The following ADAMTSL4 variants were observed in gnomAD, a reference collection of about 807,000 sequenced individuals.
ADAMTSL4 encodes the protein ADAMTS-like protein 4.
ADAMTSL4 carries 97 observed loss-of-function variants against 122.8 expected under a neutral mutation model. The observed-to-expected ratio is 0.79, with a 90% CI of 0.67 to 0.93. ADAMTSL4 has a LOEUF of 0.93. ADAMTSL4 is among the 40% of genes least tolerant of loss of function. The probability of loss-of-function intolerance (pLI) is 0.00; values close to 1 mark genes in which losing one functional copy is unlikely to be tolerated. For synonymous variants in ADAMTSL4, 592 were observed against 568.0 expected, an observed-to-expected ratio of 1.04 and a Z score of -0.60; for missense variants, 1,408 against 1,453.5, an observed-to-expected ratio of 0.97 and a Z score of 0.51.
chr1:150,550,671 T>C (rs189113947), intron 2 of ADAMTSL4: 1 of 447,344 alleles, frequency 2.2e-6, no homozygotes, highest in Non-Finnish European at 4.5e-6. Context: ...TGGGCCCTTC[T>C]CTGGAGATCC....
At chr1:150,550,728 G>A (rs772596229) in intron 2 of ADAMTSL4, 12 of 456,386 alleles carry the variant, frequency 2.6e-5, no homozygotes, top group Non-Finnish European at 4.4e-5. Flanking sequence ...CTTAGTGGCC[G>A]GCCCAGCCAG....
Position 150,554,212 on chromosome 1 carries a change from T to A in ADAMTSL4, c.1131+90T>A. 1 of 1,514,014 alleles carries A rather than the reference T, an allele frequency of 6.6e-7. No homozygotes were observed. The highest frequency in any genetic ancestry group is 9.0e-7 in the Non-Finnish European group (1 of 1,105,838). The allele number at this position is 1,514,014 out of a possible 1,614,324, so 93.8% of individuals were successfully genotyped here. A position where few individuals can be genotyped will look rare whatever the true frequency, so the allele number is the denominator to read the frequency against. On this transcript the variant is annotated intron_variant, in intron 6 of 18. Transcript: ENST00000271643. This position sits in a 1 kb window ranked among gnomAD's most constrained non-coding sequence, Gnocchi z 4.0. ...GGGTCTTCAGCTTCCGCTTGGCACC[T>A]GAGGGAGAAGGGCCTTGGCATCTGA...
rs776909261 is a variant in ADAMTSL4 at position 150,559,286 on chromosome 1, G to A, written c.2764-1G>A. 6.2e-7 allele frequency: 1 copy of A among 1,613,952 alleles called. No individual in the cohort carries two copies. ...ATCACCCTGCCCTCCCCCTACACTA[G>A]TGCTCCTCCGAATGTGGCTCTGGCA... is the stretch of plus-strand genomic sequence containing the variant. On this transcript the variant is annotated splice_acceptor_variant, in intron 16 of 18. Transcript: ENST00000271643. LOFTEE classifies it high-confidence loss of function. The surrounding 1 kb of genome is among the most constrained non-coding windows in gnomAD (Gnocchi z 4.1).
intron 12 of ADAMTSL4, 21 bp downstream of exon 12, chr1:150,557,356 C>A: frequency 6.2e-7 from 1 of 1,605,080 alleles, no homozygotes; most frequent in South Asian, 1.1e-5. Context: ...ACAGTGCGTT[C>A]CCCGCATCTC....
rs587696191 is a variant in ADAMTSL4, at chr1:150,557,990, C to G, written c.2223C>G (p.Pro741=). The stretch of plus-strand genomic sequence containing the variant: ...CATCCTGCAGCCGCTCCTGTGGCCC[C>G]GGCACCCAGCACCGCCAGCTGCAGT... ...EWTSCSRSCG[P]GTQHRQLQCR... The change falls in exon 14 of 19, where the codon CCC becomes CCG. Residue 741 remains proline (P), a synonymous_variant. Transcript: ENST00000271643. 6.2e-7 allele frequency: 1 copy of G among 1,611,538 alleles called. No individual in the cohort carries two copies. Among genetic ancestry groups the G allele is most frequent in the Non-Finnish European group, 8.5e-7 (1 of 1,179,758 alleles).
Position 150,559,552 on chromosome 1 carries a change from T to G in ADAMTSL4, c.2943+86T>G. On this transcript the variant is annotated intron_variant, in intron 17 of 18. Coordinates refer to ENST00000271643, the MANE Select transcript of ADAMTSL4 (RefSeq NM_019032.6). This position sits in a 1 kb window ranked among gnomAD's most constrained non-coding sequence, Gnocchi z 4.1. ...CCTCTCGCTGTACCCCCTCCAGGTC[T>G]CTCTGTGCCCCAGAATAAGCCCAGC... 1 of 1,587,354 alleles carries G rather than the reference T, an allele frequency of 6.3e-7. No homozygotes were observed. Among genetic ancestry groups the G allele is most frequent in the East Asian group, 2.2e-5 (1 of 44,610 alleles).
chr1:150,555,036 C>G (rs1671881090), intron 7 of ADAMTSL4, among the ~76,000 whole-genome samples: 1 of 150,396 alleles, frequency 6.6e-6, no homozygotes, highest in South Asian at 2.1e-4. Context: ...GTCACCCAGG[C>G]TGGAGTACAG....
At position 150,560,715 on chromosome 1, in the gene ADAMTSL4, C is replaced by G. The variant is rs1672669860; in HGVS notation, c.*519C>G. 1 of 171,810 alleles carries G rather than the reference C, an allele frequency of 5.8e-6. No individual in the cohort carries two copies. Among genetic ancestry groups the G allele is most frequent in the South Asian group, 1.2e-4 (1 of 8,474 alleles). The allele number at this position is 171,810 out of a possible 1,614,324, so 10.6% of individuals were successfully genotyped here. ...CCCCTGCCTCCCTAATTAGCTAGGG[C>G]TGGGGTCAGCCACTGCCAATCCTGC... On this transcript the variant is annotated 3_prime_UTR_variant, in exon 19 of 19. Transcript: ENST00000271643.
chr1:150,557,376 C>T (rs764876595), intron 12 of ADAMTSL4, 41 bp downstream of exon 12: 5 of 1,602,396 alleles, frequency 3.1e-6, no homozygotes, highest in Admixed American at 1.7e-5. Context: ...CGGTCCAAAC[C>T]CCCCAACTGA....
rs1353379230 is a variant in ADAMTSL4, at chr1:150,552,690, C to A, written c.78+90C>A. The stretch of plus-strand genomic sequence containing the variant: ...CACCCCATCTCTCCAGGCCACGCCT[C>A]CATTCCCCACAGCCCACCCACCTCC... On this transcript the variant is annotated intron_variant, in intron 4 of 18. Transcript: ENST00000271643. This position sits in a 1 kb window ranked among gnomAD's most constrained non-coding sequence, Gnocchi z 4.0. 1.5e-5 allele frequency: 22 copies of A among 1,504,758 alleles called. No individual in the cohort carries two copies. The East Asian group carries it at 3.9e-4, about 27-fold the overall frequency. 93.2% of individuals were successfully genotyped at this position (1,504,758 alleles called of 1,614,324 possible).
In ADAMTSL4 at chr1:150,554,769, T is replaced by G; in HGVS notation, c.1234+302T>G. ...GAGGGCCATGGTGGGAGAGATCCTG[T>G]CCAGCCGTGACAGCCAGGTGGGGGT... On this transcript the variant is annotated intron_variant, in intron 7 of 18. Coordinates refer to ENST00000271643, the MANE Select transcript of ADAMTSL4 (RefSeq NM_019032.6). The surrounding 1 kb of genome is among the most constrained non-coding windows in gnomAD (Gnocchi z 4.0). The G allele has an allele frequency of 9.3e-7, 1 of 1,080,278 alleles. No homozygotes were observed. Among genetic ancestry groups the G allele is most frequent in the African/African-American group, 1.6e-5 (1 of 63,184 alleles). 66.9% of individuals were successfully genotyped at this position (1,080,278 alleles called of 1,614,324 possible). A position where few individuals can be genotyped will look rare whatever the true frequency, so the allele number is the denominator to read the frequency against.
rs587653070 is a variant in ADAMTSL4 at position 150,552,256 on chromosome 1, C to A, written c.-33C>A. 1 of 1,550,472 alleles carries A rather than the reference C, an allele frequency of 6.4e-7. No individual in the cohort carries two copies. The highest frequency in any genetic ancestry group is 1.2e-5 in the South Asian group (1 of 83,936). ...GCGTAGTTTTTGTGACCAGTCCGCT[C>A]CTGCCTCCCCCTGGGGCAGTAGAGG... On this transcript the variant is annotated 5_prime_UTR_variant, in exon 3 of 19. Transcript: ENST00000271643. The surrounding 1 kb of genome is among the most constrained non-coding windows in gnomAD (Gnocchi z 4.0).
chr1:150,552,654 C>T lies in ADAMTSL4; in HGVS notation c.78+54C>T, dbSNP rs1671540217. ...GCCTGCCTGCCACCCTTTCATCTCCCCCTAGGCTCCCACCCCATCTCTCCA... is the reference window on the plus strand; with the variant it reads ...GCCTGCCTGCCACCCTTTCATCTCCTCCTAGGCTCCCACCCCATCTCTCCA... On this transcript the variant is annotated intron_variant, in intron 4 of 18. Transcript: ENST00000271643. The surrounding 1 kb of genome is among the most constrained non-coding windows in gnomAD (Gnocchi z 4.0). The T allele has an allele frequency of 8.9e-6, 14 of 1,568,280 alleles. No homozygotes were observed. The highest frequency in any genetic ancestry group is 6.9e-5 in the South Asian group (6 of 86,432).
In ADAMTSL4 at chr1:150,558,979, G is replaced by T. The variant is rs888262262; in HGVS notation, c.2577G>T (p.Gly859=). ...CTCCGCAGTGCTCAGCCGAGTGTGGGACGGGAATCCAGCGGCGCTCTGTGG... is the reference window on the plus strand; with the variant it reads ...CTCCGCAGTGCTCAGCCGAGTGTGGTACGGGAATCCAGCGGCGCTCTGTGG... ...DWSSKCSAEC[G]TGIQRRSVVC... The change falls in exon 16 of 19, where the codon GGG becomes GGT. Residue 859 remains glycine, a synonymous_variant. Coordinates refer to ENST00000271643, the MANE Select transcript of ADAMTSL4 (RefSeq NM_019032.6). 7.0e-5 allele frequency: 112 copies of T among 1,609,704 alleles called. 1 individual carries two copies. Among genetic ancestry groups the T allele is most frequent in the Non-Finnish European group, 9.3e-5 (110 of 1,179,194 alleles).
At chr1:150,555,803 A>G (rs761103551) in intron 8 of ADAMTSL4, among the ~76,000 whole-genome samples, 5 of 152,058 alleles carry the variant, frequency 3.3e-5, no homozygotes, top group African/African-American at 1.2e-4. Flanking sequence ...GCACACGTGC[A>G]TGAACACATG....
At position 150,556,435 on chromosome 1, in the gene ADAMTSL4, G is replaced by A; in HGVS notation, c.1576+69G>A. Reference sequence around the variant, plus strand: ...GCCCTCCATACCCCTACTCAGAGCAGTGAGCAAGCCAAACAGGGGGAAGTC... The same window carrying A: ...GCCCTCCATACCCCTACTCAGAGCAATGAGCAAGCCAAACAGGGGGAAGTC... On this transcript the variant is annotated intron_variant, in intron 9 of 18. Coordinates refer to ENST00000271643, the MANE Select transcript of ADAMTSL4 (RefSeq NM_019032.6). The surrounding 1 kb of genome is among the most constrained non-coding windows in gnomAD (Gnocchi z 4.1). 6.3e-7 allele frequency: 1 copy of A among 1,599,508 alleles called. No individual in the cohort carries two copies. Among genetic ancestry groups the A allele is most frequent in the Non-Finnish European group, 8.5e-7 (1 of 1,170,984 alleles).
intron 14 of ADAMTSL4, 99 bp downstream of exon 14, chr1:150,558,248 T>A: frequency 1.3e-6 from 2 of 1,581,472 alleles, no homozygotes; most frequent in Non-Finnish European, 1.7e-6. Flanking sequence ...AGAAACTATT[T>A]ACAAACAGGG....
Position 150,553,012 on chromosome 1 carries a change from C to T in ADAMTSL4, c.193C>T (p.Gln65Ter). ...CTCCCAGCCCTGCGGGGTGGGGGTG[C>T]AGCGCAGGAGCCGGACATGTCAGCT... The part of the protein sequence containing the change: ...SCSQPCGVGV[Q>*]RRSRTCQLPT... Residue 65 changes from glutamine (Q) to a stop codon, truncating the protein, a stop_gained, in exon 5 of 19, where the codon CAG (glutamine) becomes TAG (stop). Transcript: ENST00000271643. LOFTEE classifies it high-confidence loss of function. 1.2e-6 allele frequency: 2 copies of T among 1,613,196 alleles called. No homozygotes were observed. The highest frequency in any genetic ancestry group is 1.7e-6 in the Non-Finnish European group (2 of 1,179,882).
rs145673891 is a variant in ADAMTSL4 at position 150,553,740 on chromosome 1, G to A, written c.749G>A (p.Arg250Gln). The A allele has an allele frequency of 3.0e-4, 476 of 1,611,792 alleles. 1 individual carries two copies. The highest frequency in any genetic ancestry group is 1.2e-3 in the Admixed American group (69 of 59,824). The change falls in exon 6 of 19, where the codon CGG (arginine) becomes CAG (glutamine). Residue 250 changes from arginine (R) to glutamine (Q), a missense_variant. Physicochemically the swap from Arg to Gln is conservative, Grantham distance 43. Transcript: ENST00000271643. ...VAPRTRPAPLRHHPRAQASGT... is the reference protein window; with the variant it reads ...VAPRTRPAPLQHHPRAQASGT... The stretch of plus-strand genomic sequence containing the variant: ...CCCAGAACCAGGCCTGCCCCCCTAC[G>A]GCATCACCCCAGAGCCCAGGCCTCT...
Sources: allele counts gnomAD v4.1 joint callset (sites outside exome capture counted in the v4.1 genomes callset), GRCh38; gene constraint gnomAD v4.1.1; non-coding constraint Gnocchi (gnomAD v3.1); transcripts MANE v1.5; gene names NCBI Gene and HGNC (gene_info 2026-07-23, HGNC 2026-07-21).